EML4: variants seen among roughly 807,000 people sequenced by gnomAD.
EML4 encodes the protein echinoderm microtubule-associated protein-like 4.
Under a neutral mutation model 129.0 loss-of-function variants are expected in EML4, and 72 were observed. That is an observed-to-expected ratio of 0.56 (90% CI 0.46 to 0.68). The LOEUF (loss-of-function observed/expected upper bound fraction) is 0.68. EML4 is among the 30% of genes least tolerant of loss of function. The probability of loss-of-function intolerance (pLI) is 0.00; values close to 1 mark genes in which losing one functional copy is unlikely to be tolerated. For synonymous variants in EML4, 532 were observed against 405.0 expected, an observed-to-expected ratio of 1.31 and a Z score of -3.77; for missense variants, 1,363 against 1,190.6, an observed-to-expected ratio of 1.14 and a Z score of -2.13.
intron 6 of EML4, among the ~76,000 whole-genome samples, chr2:42,266,506 G>T (rs543596072): frequency 8.5e-5 from 13 of 152,162 alleles, no homozygotes; most frequent in African/African-American, 3.1e-4. Context: ...CACATACCTG[G>T]CTGATTTTTG....
At chr2:42,215,033 C>T (rs916307270) in intron 1 of EML4, among the ~76,000 whole-genome samples, 1 of 152,096 alleles carries the variant, frequency 6.6e-6, no homozygotes, top group African/African-American at 2.4e-5. Context: ...GCTAGCTATA[C>T]TACAAGATCT....
At chr2:42,181,398 A>G (rs1030420516) in intron 1 of EML4, among the ~76,000 whole-genome samples, 17 of 152,308 alleles carry the variant, frequency 1.1e-4, no homozygotes, top group African/African-American at 3.6e-4. Context: ...TCCCGGACTC[A>G]AGCGATTCTC....
chr2:42,289,385 C>T (rs973369700), intron 11 of EML4: 2 of 152,164 alleles, frequency 1.3e-5, no homozygotes, highest in Non-Finnish European at 2.9e-5. Context: ...TCCACATGCT[C>T]CACTGATACT....
chr2:42,275,475 C>A (rs1232492395), intron 6 of EML4, among the ~76,000 whole-genome samples: 1 of 152,136 alleles, frequency 6.6e-6, no homozygotes, highest in Non-Finnish European at 1.5e-5. Context: ...TTGGTTTCCC[C>A]TTCTGTAAAA....
chr2:42,313,695 A>G (rs932319534), intron 17 of EML4, among the ~76,000 whole-genome samples: 8 of 152,308 alleles, frequency 5.3e-5, no homozygotes, highest in African/African-American at 1.4e-4. Context: ...TGGGAGGACA[A>G]GGCGAGGGGA....
intron 6 of EML4, 147 bp from the exon 7 acceptor site, chr2:42,280,703 A>G (rs1217511785): frequency 1.6e-5 from 10 of 616,378 alleles, no homozygotes; most frequent in South Asian, 2.3e-5. Context: ...CAGGACAACT[A>G]TATAACAAAA....
intron 1 of EML4, among the ~76,000 whole-genome samples, chr2:42,234,703 C>G (rs1016103957): frequency 3.9e-5 from 6 of 152,162 alleles, no homozygotes; most frequent in Non-Finnish European, 5.9e-5. Flanking sequence ...TTTTGCTCAG[C>G]TTGTTCTTGT....
intron 1 of EML4, among the ~76,000 whole-genome samples, chr2:42,235,467 CAAACA>C (rs1466327323): frequency 6.6e-6 from 1 of 152,014 alleles, no homozygotes; most frequent in Non-Finnish European, 1.5e-5. Flanking sequence ...TGTCTCAAAA[CAAACA>C]AAACAAAAAC....
At chr2:42,216,615 C>A (rs574569509) in intron 1 of EML4, among the ~76,000 whole-genome samples, 1 of 152,252 alleles carries the variant, frequency 6.6e-6, no homozygotes, top group African/African-American at 2.4e-5. Context: ...AATATGTTAC[C>A]TGTTCTTTTT....
At chr2:42,252,641 T>A (rs970924426) in intron 2 of EML4, among the ~76,000 whole-genome samples, 1 of 152,178 alleles carries the variant, frequency 6.6e-6, no homozygotes, top group African/African-American at 2.4e-5. Flanking sequence ...GCTTTTTGTC[T>A]CCCCACCACC....
intron 1 of EML4, among the ~76,000 whole-genome samples, chr2:42,171,414 T>C (rs959706290): frequency 6.6e-6 from 1 of 152,238 alleles, no homozygotes; most frequent in Non-Finnish European, 1.5e-5. Context: ...TCTGTAAGTG[T>C]TTAGGAGGAG....
chr2:42,202,926 G>T (rs1292063253), intron 1 of EML4, among the ~76,000 whole-genome samples: 1 of 152,100 alleles, frequency 6.6e-6, no homozygotes, highest in East Asian at 1.9e-4. Flanking sequence ...TGCTTAGGAG[G>T]CTAAGACCTG....
intron 1 of EML4, among the ~76,000 whole-genome samples, chr2:42,177,396 G>A (rs981915569): frequency 5.5e-4 from 84 of 152,084 alleles, no homozygotes; most frequent in Admixed American, 1.4e-3. Flanking sequence ...TGAGGCGGGC[G>A]GCTCACTTGA....
chr2:42,290,896 A>G (rs750434883), intron 11 of EML4, among the ~76,000 whole-genome samples: 2 of 152,230 alleles, frequency 1.3e-5, no homozygotes, highest in Non-Finnish European at 2.9e-5. Flanking sequence ...AGCAGAGTCA[A>G]AACTCAGCTT....
Position 42,169,472 on chromosome 2 carries a change from G to T in EML4, c.-140G>T. On this transcript the variant is annotated 5_prime_UTR_variant, in exon 1 of 23. Transcript: ENST00000318522. The stretch of plus-strand genomic sequence containing the variant: ...GCTTACTACCCCAGGGCGAACGGAC[G>T]GACGACGGAGGCGGGAGCCGGTAGC... 1 of 983,616 alleles carries T rather than the reference G, an allele frequency of 1.0e-6. No homozygotes were observed. Among genetic ancestry groups the T allele is most frequent in the Non-Finnish European group, 1.4e-6 (1 of 689,692 alleles). The allele number at this position is 983,616 out of a possible 1,614,324, so 60.9% of individuals were successfully genotyped here. A position where few individuals can be genotyped will look rare whatever the true frequency, so the allele number is the denominator to read the frequency against.
At chr2:42,215,943 C>T (rs554717516) in intron 1 of EML4, among the ~76,000 whole-genome samples, 9 of 150,232 alleles carry the variant, frequency 6.0e-5, no homozygotes, top group East Asian at 2.0e-4. Flanking sequence ...TTTTTTGAAA[C>T]GGAGTCTAGC....
chr2:42,245,254 C>G (rs1675322953), intron 1 of EML4, among the ~76,000 whole-genome samples: 1 of 151,434 alleles, frequency 6.6e-6, no homozygotes, highest in Non-Finnish European at 1.5e-5. Flanking sequence ...ATCATCATGC[C>G]TGGCTAATTT....
At chr2:42,322,226 A>G (rs1669562924) in intron 19 of EML4, among the ~76,000 whole-genome samples, 1 of 152,350 alleles carries the variant, frequency 6.6e-6, no homozygotes, top group East Asian at 1.9e-4. Flanking sequence ...ATTTTCCAAT[A>G]TGGCAATTAC....
chr2:42,264,523 AT>A (rs1665943093), intron 5 of EML4, among the ~76,000 whole-genome samples, 182 bp from the exon 6 acceptor site: 1 of 152,226 alleles, frequency 6.6e-6, no homozygotes, highest in Non-Finnish European at 1.5e-5. Context: ...GTTTTATAAA[AT>A]AGTGTATATT....
Sources: allele counts gnomAD v4.1 joint callset (sites outside exome capture counted in the v4.1 genomes callset), GRCh38; gene constraint gnomAD v4.1.1; transcripts MANE v1.5; gene names NCBI Gene and HGNC (gene_info 2026-07-23, HGNC 2026-07-21).